FAM169A: variants seen among roughly 807,000 people sequenced by gnomAD.
FAM169A encodes the protein soluble lamin-associated protein of 75 kDa.
FAM169A carries 24 observed loss-of-function variants against 75.7 expected under a neutral mutation model. That is an observed-to-expected ratio of 0.32 (90% CI 0.23 to 0.45). The LOEUF is 0.45. Ranked by LOEUF, FAM169A falls within the 20% of genes least tolerant of loss-of-function variation. The pLI, the probability that FAM169A is intolerant of heterozygous loss-of-function variation, is 1.00. For missense variants in FAM169A, 673 were observed against 784.0 expected (o/e 0.86, Z 1.69); for synonymous variants, 271 against 271.0 (o/e 1.00, Z 0.00).
intron 1 of FAM169A, among the ~76,000 whole-genome samples, chr5:74,849,430 T>C (rs1341843699): frequency 6.6e-6 from 1 of 152,098 alleles, no homozygotes; most frequent in African/African-American, 2.4e-5. Flanking sequence ...CTGCTATTAT[T>C]TGGGGGCTTT....
At chr5:74,782,541 CCAA>C (rs896952932) in intron 12 of FAM169A, among the ~76,000 whole-genome samples, 13 of 152,168 alleles carry the variant, frequency 8.5e-5, no homozygotes, top group Admixed American at 3.9e-4. Context: ...TTAAAATACT[CCAA>C]CAAGTTTTTT....
intron 1 of FAM169A, among the ~76,000 whole-genome samples, chr5:74,864,949 C>T (rs779513293): frequency 2.2e-4 from 33 of 152,032 alleles, no homozygotes; most frequent in Non-Finnish European, 1.0e-4. Context: ...CTTTATAGCA[C>T]GATAAGGGAC....
chr5:74,837,055 T>C (rs1482774144), intron 4 of FAM169A, among the ~76,000 whole-genome samples: 1 of 152,074 alleles, frequency 6.6e-6, no homozygotes, highest in African/African-American at 2.4e-5. Flanking sequence ...TCCCAATCCA[T>C]ATCTGGAGGT....
At chr5:74,789,540 CAGG>C (rs1285916889) in intron 11 of FAM169A, among the ~76,000 whole-genome samples, 2 of 152,226 alleles carry the variant, frequency 1.3e-5, no homozygotes, top group South Asian at 2.1e-4. Context: ...GGATCCAGAA[CAGG>C]AGAAGGCTCT....
At chr5:74,800,256 TTTTG>T (rs1388494536) in intron 10 of FAM169A, among the ~76,000 whole-genome samples, 12 of 125,764 alleles carry the variant, frequency 9.5e-5, no homozygotes, top group Admixed American at 2.3e-4. Context: ...AAAGCAATGT[TTTTG>T]TTTGTTTTTT....
intron 10 of FAM169A, among the ~76,000 whole-genome samples, chr5:74,798,715 C>T (rs1215616480): frequency 6.6e-6 from 1 of 152,160 alleles, no homozygotes; most frequent in African/African-American, 2.4e-5. Flanking sequence ...TAGAGTCTTG[C>T]TTTAAGATTC....
intron 1 of FAM169A, among the ~76,000 whole-genome samples, chr5:74,849,743 T>C (rs1476511985): frequency 6.6e-6 from 1 of 152,172 alleles, no homozygotes; most frequent in Non-Finnish European, 1.5e-5. Flanking sequence ...ACCTTACTTT[T>C]TCTTCCATCA....
intron 6 of FAM169A, among the ~76,000 whole-genome samples, chr5:74,812,507 T>G (rs1048146067): frequency 6.6e-6 from 1 of 152,028 alleles, no homozygotes; most frequent in African/African-American, 2.4e-5. Context: ...CTCAAACTCC[T>G]GGACTCAAGC....
intron 6 of FAM169A, among the ~76,000 whole-genome samples, chr5:74,810,746 C>G (rs1461906756): frequency 1.5e-5 from 1 of 68,228 alleles, no homozygotes; most frequent in Admixed American, 1.6e-4. Context: ...AGTGAGACTC[C>G]GTCTCAAAAA....
At chr5:74,801,085 C>A (rs1294961489) in intron 9 of FAM169A, 55 bp from the exon 10 acceptor site, 1 of 1,344,278 alleles carries the variant, frequency 7.4e-7, no homozygotes, top group South Asian at 2.0e-5. Context: ...AAAAGGACTA[C>A]CTATTAAAAT....
At chr5:74,823,326 T>C (rs1446206013) in intron 5 of FAM169A, among the ~76,000 whole-genome samples, 2 of 152,210 alleles carry the variant, frequency 1.3e-5, no homozygotes, top group African/African-American at 4.8e-5. Context: ...CATTCATGTT[T>C]ACCAAGAATG....
chr5:74,831,699 AAT>A (rs1318298335), intron 5 of FAM169A, among the ~76,000 whole-genome samples: 1 of 152,138 alleles, frequency 6.6e-6, no homozygotes, highest in Non-Finnish European at 1.5e-5. Flanking sequence ...AGAGATATTC[AAT>A]CTGTGTATTT....
At chr5:74,812,587 T>G (rs1240374904) in intron 6 of FAM169A, among the ~76,000 whole-genome samples, 1 of 152,166 alleles carries the variant, frequency 6.6e-6, no homozygotes, top group East Asian at 1.9e-4. Flanking sequence ...GCTTCTTTAT[T>G]TCTTTTTGTA....
In FAM169A at chr5:74,804,563, T is replaced by C. The variant is rs768962140; in HGVS notation, c.842A>G (p.Tyr281Cys). The C allele has an allele frequency of 5.0e-6, 8 of 1,612,284 alleles. No homozygotes were observed. The highest frequency in any genetic ancestry group is 1.1e-5 in the South Asian group (1 of 90,700). Residue 281 changes from tyrosine to cysteine, a missense_variant, in exon 8 of 13, where the codon TAT becomes TGT. Physicochemically the swap from Tyr to Cys is radical, Grantham distance 194. Around this residue, in one of 3 missense-constraint regions of FAM169A, gnomAD observed 510 missense variants for 550.9 expected, o/e 0.93. Coordinates refer to ENST00000687041, the MANE Select transcript of FAM169A (RefSeq NM_001376049.1). ...NEPKRPMSGE[Y>C]GPASVPEYEA... ...GTATTCTGGAACAGATGCAGGACCA[T>C]ATTCTCCAGACATAGGTCTTTTAGG...
At chr5:74,827,780 A>G (rs1241276017) in intron 5 of FAM169A, among the ~76,000 whole-genome samples, 1 of 151,252 alleles carries the variant, frequency 6.6e-6, no homozygotes, top group Non-Finnish European at 1.5e-5. Context: ...CTCCCACCTC[A>G]GCCTCCTGAG....
At chr5:74,822,714 C>T (rs1747824675) in intron 5 of FAM169A, among the ~76,000 whole-genome samples, 1 of 152,218 alleles carries the variant, frequency 6.6e-6, no homozygotes, top group South Asian at 2.1e-4. Context: ...CATACCTCTT[C>T]CATGTGCTCC....
At chr5:74,835,339 T>G (rs1443601434) in intron 4 of FAM169A, among the ~76,000 whole-genome samples, 2 of 152,028 alleles carry the variant, frequency 1.3e-5, no homozygotes, top group Non-Finnish European at 2.9e-5. Context: ...CGGGGACTCA[T>G]GCCTGTAATC....
At chr5:74,831,314 G>A (rs1748299146) in intron 5 of FAM169A, among the ~76,000 whole-genome samples, 1 of 152,140 alleles carries the variant, frequency 6.6e-6, no homozygotes, top group African/African-American at 2.4e-5. Context: ...TAATTTCTGA[G>A]TTGTACAGTA....
intron 5 of FAM169A, among the ~76,000 whole-genome samples, chr5:74,826,537 A>T (rs978026527): frequency 6.6e-6 from 1 of 152,238 alleles, no homozygotes; most frequent in African/African-American, 2.4e-5. Context: ...TAATTTTGAA[A>T]TACCATATAT....
Sources: allele counts gnomAD v4.1 joint callset (sites outside exome capture counted in the v4.1 genomes callset), GRCh38; gene constraint gnomAD v4.1.1; regional missense constraint gnomAD v4.1.1; transcripts MANE v1.5; gene names NCBI Gene and HGNC (gene_info 2026-07-23, HGNC 2026-07-21).